The following AKAP19 variants were observed in gnomAD, a reference collection of about 807,000 sequenced individuals.
AKAP19 encodes A-kinase anchoring protein 19.
At chr2:189,890,376 TG>T in the AKAP19 span, among the ~76,000 whole-genome samples, 2 of 152,232 alleles carry the variant, frequency 1.3e-5, no homozygotes, top group Non-Finnish European at 2.9e-5. Context: ...AATGTGGTGC[TG>T]AGAAGAATGT....
the AKAP19 span, among the ~76,000 whole-genome samples, chr2:189,890,748 C>G: frequency 6.6e-6 from 1 of 151,888 alleles, no homozygotes; most frequent in Non-Finnish European, 1.5e-5. Context: ...CAACCCCTGC[C>G]TTTTTTGCTT....
At chr2:190,064,865 G>T in the AKAP19 span, among the ~76,000 whole-genome samples, 1 of 152,040 alleles carries the variant, frequency 6.6e-6, no homozygotes, top group East Asian at 1.9e-4. Context: ...AGTGAACAAA[G>T]GTTGTCATTT....
At chr2:189,891,410 A>T in the AKAP19 span, among the ~76,000 whole-genome samples, 187 of 150,300 alleles carry the variant, frequency 1.2e-3, 2 homozygotes, top group African/African-American at 4.5e-3. Context: ...TTTTTAGTAG[A>T]GACGGGGTTT....
chr2:190,134,018 T>A, the AKAP19 span, among the ~76,000 whole-genome samples: 1 of 152,232 alleles, frequency 6.6e-6, no homozygotes, highest in Admixed American at 6.5e-5. Flanking sequence ...AGGTAATACA[T>A]ATGTTAATTA....
chr2:190,097,881 AG>A, the AKAP19 span, among the ~76,000 whole-genome samples: 471 of 141,094 alleles, frequency 3.3e-3, 6 homozygotes, highest in African/African-American at 0.011. Context: ...AAAAAAAAAA[AG>A]AAAAGAAAAG....
the AKAP19 span, among the ~76,000 whole-genome samples, chr2:190,023,532 A>G: frequency 2.0e-5 from 3 of 152,062 alleles, no homozygotes; most frequent in Non-Finnish European, 4.4e-5. Context: ...TCTAAGAGAT[A>G]TTTTGGTGGA....
chr2:190,141,265 G>C, the AKAP19 span, among the ~76,000 whole-genome samples: 1 of 152,140 alleles, frequency 6.6e-6, no homozygotes. Flanking sequence ...CCTCCAAACT[G>C]TTCCAACCTC....
the AKAP19 span, among the ~76,000 whole-genome samples, chr2:190,182,646 C>T: frequency 3.9e-5 from 6 of 152,076 alleles, no homozygotes; most frequent in Admixed American, 2.6e-4. Context: ...AGATCCTTAG[C>T]CCAAAATTGA....
the AKAP19 span, among the ~76,000 whole-genome samples, chr2:189,964,817 G>A: frequency 6.6e-6 from 1 of 152,156 alleles, no homozygotes; most frequent in Non-Finnish European, 1.5e-5. Context: ...GGAATGTTGT[G>A]GCTGGTTTGA....
chr2:189,886,160 A>G, the AKAP19 span, among the ~76,000 whole-genome samples: 1 of 152,142 alleles, frequency 6.6e-6, no homozygotes, highest in Non-Finnish European at 1.5e-5. Context: ...GATGCCTTGG[A>G]GATTGGGGAT....
chr2:190,106,331 G>C, the AKAP19 span, among the ~76,000 whole-genome samples: 7 of 152,144 alleles, frequency 4.6e-5, no homozygotes, highest in African/African-American at 1.7e-4. Context: ...TACACTGTCA[G>C]CCTTGTAAAA....
At chr2:189,984,258 T>C in the AKAP19 span, among the ~76,000 whole-genome samples, 8 of 152,124 alleles carry the variant, frequency 5.3e-5, no homozygotes, top group Admixed American at 5.2e-4. Context: ...CTCTGCAATC[T>C]CGACCATAAG....
chr2:189,958,574 ATG>A, the AKAP19 span, among the ~76,000 whole-genome samples: 2 of 149,748 alleles, frequency 1.3e-5, no homozygotes, highest in South Asian at 4.2e-4. Context: ...CCACATCTAA[ATG>A]TGTGTGTGTA....
chr2:189,979,856 A>G, the AKAP19 span, among the ~76,000 whole-genome samples: 1 of 152,214 alleles, frequency 6.6e-6, no homozygotes, highest in African/African-American at 2.4e-5. Context: ...ACACAAATTA[A>G]AAGTATGATG....
At chr2:189,970,622 G>C in the AKAP19 span, among the ~76,000 whole-genome samples, 2 of 151,990 alleles carry the variant, frequency 1.3e-5, no homozygotes, top group African/African-American at 4.8e-5. Flanking sequence ...CTGTTTTTCT[G>C]TTGATAGCAA....
chr2:189,976,191 C>G, the AKAP19 span, among the ~76,000 whole-genome samples: 2 of 152,206 alleles, frequency 1.3e-5, no homozygotes, highest in Non-Finnish European at 2.9e-5. Context: ...AGTTTTCCTT[C>G]TAACAGTCAG....
At chr2:189,965,667 G>A in the AKAP19 span, among the ~76,000 whole-genome samples, 1 of 152,080 alleles carries the variant, frequency 6.6e-6, no homozygotes, top group African/African-American at 2.4e-5. Flanking sequence ...TGGTGTGGAT[G>A]TGGTGAAAAG....
the AKAP19 span, among the ~76,000 whole-genome samples, chr2:189,933,018 A>T: frequency 1.3e-5 from 2 of 152,170 alleles, no homozygotes; most frequent in African/African-American, 4.8e-5. Flanking sequence ...CATGCCCATC[A>T]CTGAGAACAT....
the AKAP19 span, among the ~76,000 whole-genome samples, chr2:189,881,190 A>G: frequency 2.7e-4 from 41 of 152,334 alleles, no homozygotes; most frequent in Admixed American, 6.5e-4. Context: ...TAAATAATCA[A>G]GAGTTAACTG....
Sources: allele counts gnomAD v4.1 joint callset (sites outside exome capture counted in the v4.1 genomes callset), GRCh38; gene constraint gnomAD v4.1.1; transcripts MANE v1.5; gene names NCBI Gene and HGNC (gene_info 2026-07-23, HGNC 2026-07-21).